RNF216: variants seen among roughly 807,000 people sequenced by gnomAD.
RNF216 encodes the protein ring finger protein 216.
RNF216 carries 72 observed loss-of-function variants against 110.8 expected under a neutral mutation model. The observed-to-expected ratio is 0.65, with a 90% CI of 0.54 to 0.79. The LOEUF is 0.79. RNF216 is among the 30% of genes least tolerant of loss of function. The probability of loss-of-function intolerance (pLI) is 0.00; values close to 1 mark genes in which losing one functional copy is unlikely to be tolerated. For synonymous variants in RNF216, 495 were observed against 407.5 expected, an observed-to-expected ratio of 1.21 and a Z score of -2.59; for missense variants, 1,342 against 1,141.2, an observed-to-expected ratio of 1.18 and a Z score of -2.54.
chr7:5,655,505 CTGAGGCAGG>C (rs1444358709), intron 13 of RNF216, among the ~76,000 whole-genome samples: 24 of 151,890 alleles, frequency 1.6e-4, no homozygotes, highest in Non-Finnish European at 2.8e-4. Flanking sequence ...CCCTGTGAGG[CTGAGGCAGG>C]AGAATTGCTT....
At chr7:5,753,121 T>C (rs148357415) in intron 2 of RNF216, 142 bp from the exon 3 acceptor site, 21 of 724,174 alleles carry the variant, frequency 2.9e-5, no homozygotes, top group Admixed American at 2.7e-4. Context: ...CCCGTGCACT[T>C]AAGCATTAAG....
chr7:5,666,839 G>A (rs1394317456), intron 13 of RNF216: 2 of 140,356 alleles, frequency 1.4e-5, no homozygotes, highest in African/African-American at 5.5e-5. Context: ...TTTTGAGACA[G>A]GGTCTCATTC....
chr7:5,729,885 T>C (rs1584526776), intron 6 of RNF216, among the ~76,000 whole-genome samples: 1 of 152,210 alleles, frequency 6.6e-6, no homozygotes, highest in East Asian at 1.9e-4. Context: ...ACTATTTTTT[T>C]TCTATTACAG....
chr7:5,747,597 A>C (rs1795092984), intron 3 of RNF216, among the ~76,000 whole-genome samples: 1 of 152,028 alleles, frequency 6.6e-6, no homozygotes, highest in Non-Finnish European at 1.5e-5. Context: ...TAAAAATTAG[A>C]GACAAAGGTC....
chr7:5,737,914 CCT>C (rs1333197564), intron 5 of RNF216, among the ~76,000 whole-genome samples: 1 of 151,736 alleles, frequency 6.6e-6, no homozygotes, highest in African/African-American at 2.4e-5. Flanking sequence ...ATGATGAAAC[CCT>C]GTCTCTACTA....
chr7:5,736,711 G>C (rs12674946), intron 5 of RNF216, among the ~76,000 whole-genome samples: 1 of 151,534 alleles, frequency 6.6e-6, no homozygotes, highest in African/African-American at 2.4e-5. Flanking sequence ...TCTGAGACGT[G>C]GGGAGCGCCT....
chr7:5,724,823 C>T (rs1413893012), intron 8 of RNF216, among the ~76,000 whole-genome samples: 2 of 152,126 alleles, frequency 1.3e-5, no homozygotes, highest in African/African-American at 4.8e-5. Flanking sequence ...CTCAAGTTTA[C>T]ATTTTTGGGG....
At chr7:5,691,327 A>C (rs933821862) in intron 13 of RNF216, among the ~76,000 whole-genome samples, 3 of 152,198 alleles carry the variant, frequency 2.0e-5, no homozygotes, top group Non-Finnish European at 2.9e-5. Context: ...CTTACTTCTC[A>C]GTTATAAGCA....
intron 13 of RNF216, among the ~76,000 whole-genome samples, chr7:5,664,316 A>G (rs1789364390): frequency 6.6e-6 from 1 of 152,180 alleles, no homozygotes; most frequent in African/African-American, 2.4e-5. Context: ...TTACAGCTTC[A>G]GCCTTAAGGA....
At chr7:5,648,518 G>T (rs1296542370) in intron 14 of RNF216, among the ~76,000 whole-genome samples, 1 of 151,572 alleles carries the variant, frequency 6.6e-6, no homozygotes, top group Admixed American at 6.6e-5. Context: ...GAGGTCAGGA[G>T]ATCGAGACCA....
chr7:5,736,569 G>A (rs979515854), intron 5 of RNF216, among the ~76,000 whole-genome samples: 1 of 151,974 alleles, frequency 6.6e-6, no homozygotes, highest in Non-Finnish European at 1.5e-5. Context: ...GAGCGTCTCT[G>A]CCTGGCCGCC....
intron 3 of RNF216, among the ~76,000 whole-genome samples, chr7:5,744,862 T>C (rs1389855561): frequency 6.6e-6 from 1 of 151,902 alleles, no homozygotes. Context: ...ATCCCAGTTA[T>C]TTGGGAGGCT....
At chr7:5,676,154 C>T (rs1377460277) in intron 13 of RNF216, among the ~76,000 whole-genome samples, 2 of 151,840 alleles carry the variant, frequency 1.3e-5, no homozygotes, top group African/African-American at 4.8e-5. Context: ...GGACTACAGG[C>T]ATATGCCACC....
intron 15 of RNF216, among the ~76,000 whole-genome samples, chr7:5,635,762 G>A (rs1347151697): frequency 6.6e-6 from 1 of 152,196 alleles, no homozygotes; most frequent in Non-Finnish European, 1.5e-5. Context: ...TGATACATCT[G>A]CCTTCGAGCA....
intron 8 of RNF216, among the ~76,000 whole-genome samples, chr7:5,724,892 G>A (rs1230157239): frequency 1.3e-5 from 2 of 152,236 alleles, no homozygotes; most frequent in African/African-American, 4.8e-5. Context: ...CAATAAGAAT[G>A]ACAGAATTTT....
At position 5,622,512 on chromosome 7, in the gene RNF216, G is replaced by A. The variant is rs1007712709; in HGVS notation, c.*348C>T. On this transcript the variant is annotated 3_prime_UTR_variant, in exon 17 of 17. Transcript: ENST00000389902. ...ATGCTCTCGGCTGCCTTGCTACCCA[G>A]GGGTCGGCTCCGAGGAGAGGCCCAG... The A allele has an allele frequency of 1.4e-5, 3 of 220,482 alleles. No individual in the cohort carries two copies. The highest frequency in any genetic ancestry group is 2.7e-5 in the Non-Finnish European group (3 of 112,706). 13.7% of individuals were successfully genotyped at this position (220,482 alleles called of 1,614,324 possible).
chr7:5,767,972 TC>T lies in RNF216; in HGVS notation c.-69-6835del, dbSNP rs1796290853. 2.0e-5 allele frequency among the ~76,000 whole-genome samples: 3 copies of T among 152,170 alleles called. No individual in the cohort carries two copies. In the South Asian group the frequency reaches 6.2e-4, roughly 32 times the overall value. On this transcript the variant is annotated intron_variant, in intron 1 of 16. Transcript: ENST00000389902. ...GTAAACACTGAGCTTTCATCTAAGA[TC>T]CTAGGAGAGCCAAATCTTAAGGGTT...
At chr7:5,657,483 C>G (rs1162184891) in intron 13 of RNF216, among the ~76,000 whole-genome samples, 1 of 152,122 alleles carries the variant, frequency 6.6e-6, no homozygotes, top group African/African-American at 2.4e-5. Context: ...AGGAGAATAG[C>G]TTGAACCCAG....
intron 13 of RNF216, among the ~76,000 whole-genome samples, chr7:5,692,504 C>G (rs1414508182): frequency 2.6e-5 from 4 of 152,184 alleles, no homozygotes; most frequent in Admixed American, 6.5e-5. Flanking sequence ...GCCCTGACTT[C>G]TGGTCCAAGG....
Sources: gnomAD v4.1 joint callset for allele counts (sites outside exome capture counted in the v4.1 genomes callset) on GRCh38, gnomAD v4.1.1 for gene constraint, MANE v1.5 for transcripts, NCBI Gene and HGNC (gene_info 2026-07-23, HGNC 2026-07-21) for gene names.